M1AP: variants seen among roughly 807,000 people sequenced by gnomAD.
M1AP encodes meiosis 1 associated protein.
A neutral mutation model predicts 51.2 loss-of-function variants in M1AP; 39 were observed. The observed-to-expected ratio is 0.76, with a 90% confidence interval of 0.59 to 1.00. M1AP has a LOEUF of 1.00. Among genes scored for constraint, M1AP ranks in the 50% least tolerant of loss-of-function variants. M1AP has a pLI of 0.00. For missense variants in M1AP, 545 were observed against 641.2 expected (o/e 0.85, Z 1.62); for synonymous variants, 251 against 249.2 (o/e 1.01, Z -0.07).
At chr2:74,594,516 G>A (rs1680217080) in intron 4 of M1AP, among the ~76,000 whole-genome samples, 1 of 152,108 alleles carries the variant, frequency 6.6e-6, no homozygotes, top group Non-Finnish European at 1.5e-5. Context: ...AAGATAGAGA[G>A]AAAGAATGAG....
chr2:74,568,301 C>A (rs1312018000), intron 7 of M1AP, among the ~76,000 whole-genome samples: 1 of 152,226 alleles, frequency 6.6e-6, no homozygotes, highest in African/African-American at 2.4e-5. Flanking sequence ...TGGCCAGAGG[C>A]AGACTGGTTC....
intron 2 of M1AP, among the ~76,000 whole-genome samples, chr2:74,637,069 A>G (rs1158714671): frequency 6.6e-6 from 1 of 152,148 alleles, no homozygotes; most frequent in Non-Finnish European, 1.5e-5. Flanking sequence ...GGAGACTTTA[A>G]TTACACATAT....
intron 7 of M1AP, among the ~76,000 whole-genome samples, chr2:74,565,522 A>G (rs1337568261): frequency 6.6e-6 from 1 of 152,054 alleles, no homozygotes; most frequent in African/African-American, 2.4e-5. Flanking sequence ...TAATCATCTC[A>G]ATAGATGGAG....
At chr2:74,613,414 G>A (rs1185992924) in intron 3 of M1AP, among the ~76,000 whole-genome samples, 3 of 152,200 alleles carry the variant, frequency 2.0e-5, no homozygotes, top group Non-Finnish European at 4.4e-5. Flanking sequence ...GATAGAGGGA[G>A]GGGAAGTATG....
chr2:74,631,637 T>C (rs1682713782), intron 2 of M1AP, among the ~76,000 whole-genome samples: 1 of 152,086 alleles, frequency 6.6e-6, no homozygotes, highest in Non-Finnish European at 1.5e-5. Context: ...TTTAAATAAG[T>C]TTTTTATTAT....
chr2:74,637,016 C>G (rs1023479261), intron 2 of M1AP, among the ~76,000 whole-genome samples: 5 of 152,090 alleles, frequency 3.3e-5, no homozygotes, highest in Admixed American at 6.5e-5. Flanking sequence ...AAATTTTGGC[C>G]ATTTTTTAAA....
At chr2:74,596,586 G>A (rs953908456) in intron 4 of M1AP, among the ~76,000 whole-genome samples, 5 of 150,576 alleles carry the variant, frequency 3.3e-5, no homozygotes, top group African/African-American at 1.2e-4. Context: ...CATCTCAAAA[G>A]AACAACAACA....
intron 1 of M1AP, among the ~76,000 whole-genome samples, chr2:74,643,749 A>G (rs1330996370): frequency 1.3e-5 from 2 of 151,928 alleles, no homozygotes; most frequent in African/African-American, 2.4e-5. Context: ...ATGCACCACA[A>G]TGCCTCTCTA....
intron 4 of M1AP, among the ~76,000 whole-genome samples, chr2:74,599,960 C>CT (rs1680584121): frequency 6.6e-6 from 1 of 151,820 alleles, no homozygotes; most frequent in African/African-American, 2.4e-5. Context: ...CGTGCCTAAA[C>CT]TTTTTTGGTA....
At chr2:74,648,055 G>C in intron 1 of M1AP, 1 of 985,510 alleles carries the variant, frequency 1.0e-6, no homozygotes, top group Non-Finnish European at 1.2e-6. Context: ...GCGCAGGCCT[G>C]GCCGCCCAGA....
chr2:74,575,094 T>C (rs1678978451), intron 7 of M1AP, among the ~76,000 whole-genome samples: 1 of 152,240 alleles, frequency 6.6e-6, no homozygotes, highest in Admixed American at 6.5e-5. Context: ...GACTAAATGC[T>C]CTTCATTTAA....
chr2:74,566,649 C>A (rs188177611), intron 7 of M1AP, among the ~76,000 whole-genome samples: 3 of 145,546 alleles, frequency 2.1e-5, no homozygotes, highest in South Asian at 2.4e-4. Context: ...CTATCCCCCC[C>A]ACCCGCCCAG....
chr2:74,647,205 G>T (rs780579378), intron 1 of M1AP: 85 of 984,616 alleles, frequency 8.6e-5, no homozygotes, highest in Non-Finnish European at 1.0e-4. Flanking sequence ...CTAAAGTTCT[G>T]CTTGTGCCTT....
Position 74,615,020 on chromosome 2 carries a change from T to A in M1AP, c.370A>T (p.Lys124Ter). ...GTGGTCACATGTCTGCTGTATTGTT[T>A]GAATTGCTGGAGCCCATCCTCTACT... ...LAVEDGLQQF[K>*]QYSRHVTTRA... Residue 124 changes from lysine to a stop codon, truncating the protein, a stop_gained, in exon 3 of 11, where the codon AAA becomes TAA. Coordinates refer to ENST00000421985, the MANE Select transcript of M1AP (RefSeq NM_001321739.2). LOFTEE classifies it high-confidence loss of function. The A allele has an allele frequency of 6.2e-7, 1 of 1,614,186 alleles. No individual in the cohort carries two copies. The highest frequency in any genetic ancestry group is 2.2e-5 in the East Asian group (1 of 44,892).
At chr2:74,571,765 G>T (rs1316225811) in intron 7 of M1AP, among the ~76,000 whole-genome samples, 2 of 152,170 alleles carry the variant, frequency 1.3e-5, no homozygotes, top group Non-Finnish European at 2.9e-5. Context: ...GGGAGGCTGA[G>T]GTGGGCAGAT....
At chr2:74,572,538 C>T (rs970973168) in intron 7 of M1AP, among the ~76,000 whole-genome samples, 5 of 152,180 alleles carry the variant, frequency 3.3e-5, no homozygotes, top group African/African-American at 1.2e-4. Context: ...TCAGGCTAGT[C>T]TTGAATTCCT....
chr2:74,605,253 T>A (rs1680904256), intron 4 of M1AP, among the ~76,000 whole-genome samples: 1 of 152,172 alleles, frequency 6.6e-6, no homozygotes. Flanking sequence ...ACAGAAAACA[T>A]CCTCACAAAT....
Position 74,575,508 on chromosome 2 carries a change from C to T in M1AP, c.1004G>A (p.Cys335Tyr), listed in dbSNP as rs1679006380. Residue 335 changes from cysteine to tyrosine, a missense_variant, in exon 7 of 11, where the codon TGT becomes TAT. Physicochemically the swap from Cys to Tyr is radical, Grantham distance 194. Transcript: ENST00000421985. ...GLPFILRPTS[C>Y]WQLDWDELET... ...CAGCTCATCCCAGTCCAGCTGCCAACAGCTTGTAGGTCTGAGGATGAACGG... is the reference window on the plus strand; with the variant it reads ...CAGCTCATCCCAGTCCAGCTGCCAATAGCTTGTAGGTCTGAGGATGAACGG... 6.2e-7 allele frequency: 1 copy of T among 1,614,050 alleles called. No homozygotes were observed. Among genetic ancestry groups the T allele is most frequent in the South Asian group, 1.1e-5 (1 of 91,092 alleles).
chr2:74,640,361 A>C (rs570710575), intron 1 of M1AP, 34 bp from the exon 2 acceptor site: 107 of 1,521,350 alleles, frequency 7.0e-5, no homozygotes, highest in South Asian at 4.4e-4. Flanking sequence ...ACTGGTTTTC[A>C]AACTGAATTA....
Sources: allele counts gnomAD v4.1 joint callset (sites outside exome capture counted in the v4.1 genomes callset), GRCh38; gene constraint gnomAD v4.1.1; transcripts MANE v1.5; gene names NCBI Gene and HGNC (gene_info 2026-07-23, HGNC 2026-07-21).